The following ASTN2 variants were observed in gnomAD, a reference collection of about 807,000 sequenced individuals.
ASTN2 encodes astrotactin 2.
Under a neutral mutation model 139.8 loss-of-function variants are expected in ASTN2, and 54 were observed. That is an observed-to-expected ratio of 0.39 (90% CI 0.31 to 0.48). The LOEUF is 0.48. Among genes scored for constraint, ASTN2 ranks in the 20% least tolerant of loss-of-function variants. The probability of loss-of-function intolerance (pLI) is 0.95; values close to 1 mark genes in which losing one functional copy is unlikely to be tolerated. For synonymous variants in ASTN2, 756 were observed against 719.5 expected (o/e 1.05, Z -0.81); for missense variants, 1,565 against 1,725.1 (o/e 0.91, Z 1.64).
intron 19 of ASTN2, among the ~76,000 whole-genome samples, chr9:116,594,253 A>T (rs1229338642): frequency 6.6e-6 from 1 of 152,132 alleles, no homozygotes. Flanking sequence ...CCTGTTCATG[A>T]TCCTTCATAA....
At chr9:117,152,859 A>G (rs945539653) in intron 3 of ASTN2, among the ~76,000 whole-genome samples, 3 of 152,196 alleles carry the variant, frequency 2.0e-5, no homozygotes, top group African/African-American at 7.2e-5. Context: ...AGTCTATCTC[A>G]GTATTCAATC....
intron 2 of ASTN2, among the ~76,000 whole-genome samples, chr9:117,275,762 C>T (rs981040425): frequency 1.3e-5 from 2 of 151,960 alleles, no homozygotes; most frequent in Admixed American, 6.6e-5. Context: ...GACAGGGTTT[C>T]GCCATGTTGA....
intron 14 of ASTN2, 81 bp downstream of exon 14, chr9:116,733,318 G>A: frequency 6.4e-7 from 1 of 1,558,316 alleles, no homozygotes; most frequent in Non-Finnish European, 8.8e-7. Flanking sequence ...TCTTGGATCT[G>A]CTGAAGACTG....
At chr9:116,468,025 AC>A (rs1848703405) in intron 20 of ASTN2, among the ~76,000 whole-genome samples, 1 of 152,108 alleles carries the variant, frequency 6.6e-6, no homozygotes, top group East Asian at 1.9e-4. Flanking sequence ...AAAGACCCAT[AC>A]CTGTTCAGAA....
intron 4 of ASTN2, among the ~76,000 whole-genome samples, chr9:117,119,652 C>A (rs1238457518): frequency 6.6e-6 from 1 of 152,142 alleles, no homozygotes; most frequent in African/African-American, 2.4e-5. Context: ...AATTATTAAA[C>A]CTCTCTGAAT....
intron 20 of ASTN2, among the ~76,000 whole-genome samples, chr9:116,465,588 T>C (rs935345450): frequency 6.6e-5 from 10 of 152,304 alleles, no homozygotes; most frequent in East Asian, 1.9e-4. Context: ...GAACATATCG[T>C]TATACAGAAA....
At chr9:116,460,378 G>A (rs1848450301) in intron 20 of ASTN2, among the ~76,000 whole-genome samples, 1 of 152,092 alleles carries the variant, frequency 6.6e-6, no homozygotes, top group Non-Finnish European at 1.5e-5. Flanking sequence ...CTGAATTGTA[G>A]CCTTAAAAAG....
chr9:116,660,797 TAATC>T (rs1477065375), intron 16 of ASTN2, among the ~76,000 whole-genome samples: 2 of 152,200 alleles, frequency 1.3e-5, no homozygotes, highest in African/African-American at 4.8e-5. Flanking sequence ...TTTCAAATCT[TAATC>T]AAGTCACTTC....
At chr9:116,768,210 C>T (rs142893501) in intron 13 of ASTN2, among the ~76,000 whole-genome samples, 1 of 150,816 alleles carries the variant, frequency 6.6e-6, no homozygotes, top group East Asian at 2.0e-4. Context: ...TCTCACCACT[C>T]ATCCTCACTC....
At chr9:117,053,187 C>T (rs1838962532) in intron 5 of ASTN2, among the ~76,000 whole-genome samples, 1 of 151,894 alleles carries the variant, frequency 6.6e-6, no homozygotes, top group Non-Finnish European at 1.5e-5. Flanking sequence ...CATGGTGACT[C>T]AAGCCTGCAA....
intron 14 of ASTN2, among the ~76,000 whole-genome samples, chr9:116,731,031 C>T (rs1430005838): frequency 6.6e-6 from 1 of 151,936 alleles, no homozygotes; most frequent in Non-Finnish European, 1.5e-5. Context: ...TATCCACTGG[C>T]GGCCTAACTC....
chr9:116,565,388 C>CATAT (rs1164878126), intron 19 of ASTN2, among the ~76,000 whole-genome samples: 471 of 33,778 alleles, frequency 0.014, no homozygotes, highest in African/African-American at 0.017. Context: ...TCTCTCTCTC[C>CATAT]ATATATATAT....
intron 19 of ASTN2, among the ~76,000 whole-genome samples, chr9:116,598,173 G>A (rs1406595506): frequency 6.6e-6 from 1 of 152,162 alleles, no homozygotes; most frequent in South Asian, 2.1e-4. Context: ...GATGGCTCCA[G>A]GGAAGTACCC....
At chr9:116,801,641 G>GA (rs1307055801) in intron 13 of ASTN2, among the ~76,000 whole-genome samples, 7 of 112,864 alleles carry the variant, frequency 6.2e-5, no homozygotes, top group Non-Finnish European at 1.4e-4. Context: ...AGAAAGAAAA[G>GA]AAAAAAAGGA....
intron 13 of ASTN2, among the ~76,000 whole-genome samples, chr9:116,746,021 C>T (rs968112390): frequency 6.6e-6 from 1 of 151,616 alleles, no homozygotes; most frequent in Non-Finnish European, 1.5e-5. Context: ...CTTCTTAAGG[C>T]TGTCCATATG....
intron 1 of ASTN2, among the ~76,000 whole-genome samples, chr9:117,390,343 C>T (rs747803633): frequency 1.3e-5 from 2 of 152,110 alleles, no homozygotes; most frequent in Non-Finnish European, 2.9e-5. Context: ...AATATTAACT[C>T]ACTGTTATTA....
At chr9:117,071,944 G>T (rs964657318) in intron 5 of ASTN2, among the ~76,000 whole-genome samples, 34 of 152,160 alleles carry the variant, frequency 2.2e-4, no homozygotes, top group Admixed American at 8.5e-4. Context: ...CGGTACCTCA[G>T]ATGGAAATGC....
intron 1 of ASTN2, 54 bp from the exon 2 acceptor site, chr9:117,291,567 C>G: frequency 6.6e-7 from 1 of 1,505,142 alleles, no homozygotes; most frequent in Non-Finnish European, 8.9e-7. Flanking sequence ...CCTTGGTGCT[C>G]CAGGGAGGAA....
chr9:117,124,881 T>C (rs1235797111), intron 4 of ASTN2, among the ~76,000 whole-genome samples: 1 of 151,434 alleles, frequency 6.6e-6, no homozygotes, highest in African/African-American at 2.4e-5. Context: ...ATGATTGTGG[T>C]CAAAGTGACA....
Sources: allele counts gnomAD v4.1 joint callset (sites outside exome capture counted in the v4.1 genomes callset), GRCh38; gene constraint gnomAD v4.1.1; transcripts MANE v1.5; gene names NCBI Gene and HGNC (gene_info 2026-07-23, HGNC 2026-07-21).